SPMIP7: variants seen among roughly 807,000 people sequenced by gnomAD.
SPMIP7 encodes the protein sperm microtubule inner protein 7.
chr7:50,102,608 G>C, the SPMIP7 span, among the ~76,000 whole-genome samples: 3 of 152,092 alleles, frequency 2.0e-5, no homozygotes, highest in African/African-American at 7.2e-5. Flanking sequence ...AGACTATCCA[G>C]CATACACTTG....
chr7:50,120,696 G>A, the SPMIP7 span, among the ~76,000 whole-genome samples: 1 of 152,194 alleles, frequency 6.6e-6, no homozygotes, highest in Non-Finnish European at 1.5e-5. Flanking sequence ...CTAAATGGTG[G>A]ATGGCAAGGC....
At chr7:50,120,505 C>T in the SPMIP7 span, 3 of 152,296 alleles carry the variant, frequency 2.0e-5, no homozygotes, top group Non-Finnish European at 2.9e-5. Flanking sequence ...TGGTGCTAAA[C>T]AGAACTGAAT....
the SPMIP7 span, among the ~76,000 whole-genome samples, chr7:50,135,633 G>T: frequency 6.6e-6 from 1 of 152,112 alleles, no homozygotes; most frequent in Non-Finnish European, 1.5e-5. Context: ...ACCTGTGAAA[G>T]TTGGTCCTTT....
the SPMIP7 span, among the ~76,000 whole-genome samples, chr7:50,147,724 T>C: frequency 6.6e-6 from 1 of 152,242 alleles, no homozygotes; most frequent in Non-Finnish European, 1.5e-5. Context: ...ATTACTTAAT[T>C]TCTATTTTAT....
At chr7:50,148,487 T>C in the SPMIP7 span, among the ~76,000 whole-genome samples, 1 of 152,178 alleles carries the variant, frequency 6.6e-6, no homozygotes, top group East Asian at 1.9e-4. Context: ...TTAGAGGCAT[T>C]TTAATTCTGC....
At chr7:50,129,736 T>G in the SPMIP7 span, 2 of 1,548,534 alleles carry the variant, frequency 1.3e-6, no homozygotes, top group Non-Finnish European at 1.7e-6. Flanking sequence ...GAACCACTTG[T>G]TCAAACAAAC....
At chr7:50,138,817 C>T in the SPMIP7 span, among the ~76,000 whole-genome samples, 10 of 150,408 alleles carry the variant, frequency 6.6e-5, no homozygotes, top group Non-Finnish European at 1.0e-4. Context: ...AAATACACAA[C>T]GCTGTACTCA....
chr7:50,116,003 A>G, the SPMIP7 span, among the ~76,000 whole-genome samples: 1 of 152,240 alleles, frequency 6.6e-6, no homozygotes, highest in Non-Finnish European at 1.5e-5. Context: ...TTAAGCAAAC[A>G]TAAAAATGGT....
chr7:50,151,304 C>G, the SPMIP7 span: 1 of 650,354 alleles, frequency 1.5e-6, no homozygotes, highest in Non-Finnish European at 2.6e-6. Context: ...TTTGGACAGC[C>G]CAAGTTCCAC....
At chr7:50,123,567 T>TAATAAATAAATA in the SPMIP7 span, among the ~76,000 whole-genome samples, 55 of 146,322 alleles carry the variant, frequency 3.8e-4, no homozygotes, top group African/African-American at 9.7e-4. Context: ...TAAAGTATAA[T>TAATAAATAAATA]AATAAATAAA....
chr7:50,121,148 T>C, the SPMIP7 span, among the ~76,000 whole-genome samples: 1 of 152,206 alleles, frequency 6.6e-6, no homozygotes, highest in Non-Finnish European at 1.5e-5. Context: ...TAATTTCATA[T>C]AATGAATTGT....
chr7:50,149,894 A>C, the SPMIP7 span, among the ~76,000 whole-genome samples: 1 of 151,888 alleles, frequency 6.6e-6, no homozygotes, highest in African/African-American at 2.4e-5. Context: ...CTTCTCCCTC[A>C]CCCAAGTCCT....
At chr7:50,133,519 G>A in the SPMIP7 span, among the ~76,000 whole-genome samples, 440 of 152,240 alleles carry the variant, frequency 2.9e-3, 6 homozygotes, top group Admixed American at 4.8e-3. Flanking sequence ...TAAGATGTAT[G>A]TAAGTTTTCT....
chr7:50,144,956 T>C, the SPMIP7 span, among the ~76,000 whole-genome samples: 3 of 151,656 alleles, frequency 2.0e-5, no homozygotes, highest in Non-Finnish European at 2.9e-5. Flanking sequence ...AAGGTAAGAC[T>C]GAGATGAGAA....
At chr7:50,127,162 C>G in the SPMIP7 span, among the ~76,000 whole-genome samples, 1 of 152,002 alleles carries the variant, frequency 6.6e-6, no homozygotes, top group South Asian at 2.1e-4. Context: ...GGGAAAAGGA[C>G]AGTCTTTTCC....
At chr7:50,120,945 G>A in the SPMIP7 span, among the ~76,000 whole-genome samples, 1 of 152,214 alleles carries the variant, frequency 6.6e-6, no homozygotes, top group Admixed American at 6.6e-5. Flanking sequence ...GATGAGTTTG[G>A]TTCGCAGAGA....
the SPMIP7 span, among the ~76,000 whole-genome samples, chr7:50,133,369 G>A: frequency 1.3e-4 from 20 of 152,192 alleles, no homozygotes; most frequent in Admixed American, 5.9e-4. Context: ...ATCTTAGGAG[G>A]CAGATTATTT....
chr7:50,118,647 T>G, the SPMIP7 span, among the ~76,000 whole-genome samples: 2 of 152,204 alleles, frequency 1.3e-5, no homozygotes, highest in South Asian at 2.1e-4. Flanking sequence ...AGGAACCTAT[T>G]TCACTGGACA....
chr7:50,141,374 T>C, the SPMIP7 span: 688 of 1,548,582 alleles, frequency 4.4e-4, 8 homozygotes, highest in East Asian at 0.014. Context: ...AGCCTCTTTA[T>C]ACAAACACAA....
Sources: allele counts gnomAD v4.1 joint callset (sites outside exome capture counted in the v4.1 genomes callset), GRCh38; gene constraint gnomAD v4.1.1; transcripts MANE v1.5; gene names NCBI Gene and HGNC (gene_info 2026-07-23, HGNC 2026-07-21).